The following SYNPR variants were observed in gnomAD, a reference collection of about 807,000 sequenced individuals.
The protein encoded by SYNPR is synaptoporin.
Under a neutral mutation model 32.9 loss-of-function variants are expected in SYNPR, and 23 were observed. The observed-to-expected ratio is 0.70, with a 90% CI of 0.50 to 0.99. The LOEUF is 0.99. Ranked by LOEUF, SYNPR falls within the 50% of genes least tolerant of loss-of-function variation. The pLI, the probability that SYNPR is intolerant of heterozygous loss-of-function variation, is 0.00. For synonymous variants in SYNPR, 146 were observed against 135.9 expected (o/e 1.07, Z -0.52); for missense variants, 318 against 349.3 (o/e 0.91, Z 0.71).
chr3:63,565,380 C>A (rs1468503863), intron 4 of SYNPR, among the ~76,000 whole-genome samples: 1 of 152,114 alleles, frequency 6.6e-6, no homozygotes, highest in Non-Finnish European at 1.5e-5. Flanking sequence ...CCAGCAGGTT[C>A]TATTGCTTGG....
rs369358503 is a variant in SYNPR, at chr3:63,535,520, T to C, written c.210-21023T>C. Among the ~76,000 whole-genome samples, 10 of 152,232 alleles carry C rather than the reference T, an allele frequency of 6.6e-5. No individual in the cohort carries two copies. The East Asian group carries it at 1.4e-3, about 21-fold the overall frequency. ...TTATTAATAGAGATGGTGGAATGTA[T>C]TTCTCTAACATTAAATAAAATCTAG... On this transcript the variant is annotated intron_variant, in intron 3 of 5. Coordinates refer to ENST00000478300, the MANE Select transcript of SYNPR (RefSeq NM_001130003.2).
intron 2 of SYNPR, among the ~76,000 whole-genome samples, chr3:63,469,772 AAG>A (rs1441255590): frequency 6.6e-6 from 1 of 152,194 alleles, no homozygotes; most frequent in Non-Finnish European, 1.5e-5. Context: ...CCTGATTCTA[AAG>A]AGAGATGTTG....
chr3:63,259,799 T>C (rs1025624104), intron 2 of SYNPR, among the ~76,000 whole-genome samples: 5 of 152,316 alleles, frequency 3.3e-5, no homozygotes, highest in Middle Eastern at 3.4e-3. Flanking sequence ...TGTTTGCCGA[T>C]GACATGATTG....
chr3:63,558,334 T>C (rs1702627350), intron 4 of SYNPR, among the ~76,000 whole-genome samples: 1 of 152,078 alleles, frequency 6.6e-6, no homozygotes, highest in East Asian at 1.9e-4. Context: ...TCAATAAAAT[T>C]TTTACTTTTT....
rs1434726766 is a variant in SYNPR at position 63,476,173 on chromosome 3, G to GGGAA, written c.85-4652_85-4649dup. ...AGGGAGGGAGGGAGGGAGGGAGGGA[G>GGGAA]GGAAGGAAGGGAAGGGAGGGAAGCA... On this transcript the variant is annotated intron_variant, in intron 2 of 5. Coordinates refer to ENST00000478300, the MANE Select transcript of SYNPR (RefSeq NM_001130003.2). Among the ~76,000 whole-genome samples the GGGAA allele has an allele frequency of 2.9e-3, 90 of 31,220 alleles. 4 individuals are homozygous for GGGAA. The highest frequency in any genetic ancestry group is 5.1e-3 in the African/African-American group (20 of 3,894). 20.5% of individuals were successfully genotyped at this position (31,220 alleles called of 152,430 possible).
chr3:63,580,235 A>G (rs1022231922), intron 4 of SYNPR, among the ~76,000 whole-genome samples: 1 of 152,168 alleles, frequency 6.6e-6, no homozygotes, highest in Non-Finnish European at 1.5e-5. Context: ...TATTGATAAT[A>G]CTCAGGTGAT....
intron 2 of SYNPR, among the ~76,000 whole-genome samples, chr3:63,347,046 A>G (rs1431546966): frequency 6.6e-6 from 1 of 152,210 alleles, no homozygotes; most frequent in Admixed American, 6.5e-5. Context: ...GAATAAAAAT[A>G]ATACTAGGGC....
intron 4 of SYNPR, 136 bp downstream of exon 4, chr3:63,556,877 T>G: frequency 1.1e-6 from 1 of 894,064 alleles, no homozygotes; most frequent in Non-Finnish European, 1.6e-6. Context: ...TATCCAAATC[T>G]CTCGAAGCCA....
rs372470688 is a variant in SYNPR, at chr3:63,615,409, G to T, written c.786G>T (p.Ala262=). 6.2e-7 allele frequency: 1 copy of T among 1,613,878 alleles called. No individual in the cohort carries two copies. The highest frequency in any genetic ancestry group is 8.5e-7 in the Non-Finnish European group (1 of 1,179,876). The change falls in exon 6 of 6, where the codon GCG becomes GCT. Residue 262 remains alanine (A), a synonymous_variant. Coordinates refer to ENST00000478300, the MANE Select transcript of SYNPR (RefSeq NM_001130003.2). Reference sequence around the variant, plus strand: ...CAAGCAGTGGGTACAGTCAGCAGGCGAGTTTGGGGCCAACCTCAGATGAGT... The same window carrying T: ...CAAGCAGTGGGTACAGTCAGCAGGCTAGTTTGGGGCCAACCTCAGATGAGT... The part of the protein sequence containing the change: ...YGSSSGYSQQ[A]SLGPTSDEFG...
At chr3:63,613,150 T>G (rs989838705) in intron 5 of SYNPR, among the ~76,000 whole-genome samples, 14 of 128,246 alleles carry the variant, frequency 1.1e-4, no homozygotes, top group African/African-American at 4.0e-4. Flanking sequence ...CATGCTCAGC[T>G]AATTTTTTTT....
intron 2 of SYNPR, among the ~76,000 whole-genome samples, chr3:63,294,120 G>C (rs2086770273): frequency 6.6e-6 from 1 of 152,040 alleles, no homozygotes; most frequent in Non-Finnish European, 1.5e-5. Context: ...GCCTCTCTTG[G>C]AGATTATTTA....
At chr3:63,313,676 TACACATATATATCC>T (rs2086994547) in intron 2 of SYNPR, among the ~76,000 whole-genome samples, 9 of 124,484 alleles carry the variant, frequency 7.2e-5, no homozygotes, top group African/African-American at 2.8e-4. Flanking sequence ...CAGAAATTAA[TACACATATATATCC>T]ATATATATAT....
rs561743799 is a variant in SYNPR, at chr3:63,599,168, T to C, written c.409-9957T>C. ...TGGTCCCATTAGATTATAATGAAGC[T>C]GAAAAAGTCTTATCCCCTGGTGACA... is the stretch of plus-strand genomic sequence containing the variant. On this transcript the variant is annotated intron_variant, in intron 4 of 5. Transcript: ENST00000478300. 5.3e-5 allele frequency among the ~76,000 whole-genome samples: 8 copies of C among 152,300 alleles called. No individual in the cohort carries two copies. The East Asian group carries it at 1.5e-3, about 29-fold the overall frequency.
Position 63,432,700 on chromosome 3 carries a change from G to T in SYNPR, c.85-48132G>T, listed in dbSNP as rs555770776. On this transcript the variant is annotated intron_variant, in intron 2 of 5. Coordinates refer to ENST00000478300, the MANE Select transcript of SYNPR (RefSeq NM_001130003.2). ...GGAGAGATGGTCCTGAGGCCTCACT[G>T]ATCTTGTTTCCACACTGTGGAGCTG... Among the ~76,000 whole-genome samples the T allele has an allele frequency of 1.5e-4, 23 of 152,144 alleles. No individual in the cohort carries two copies. In the South Asian group the frequency reaches 4.8e-3, roughly 32 times the overall value.
At chr3:63,472,043 G>T (rs964452430) in intron 2 of SYNPR, among the ~76,000 whole-genome samples, 2 of 152,224 alleles carry the variant, frequency 1.3e-5, no homozygotes, top group Non-Finnish European at 2.9e-5. Flanking sequence ...AGGCTTGGGT[G>T]TTGCTGAGGC....
intron 4 of SYNPR, among the ~76,000 whole-genome samples, chr3:63,608,399 C>G (rs1259730459): frequency 6.6e-6 from 1 of 152,118 alleles, no homozygotes; most frequent in Non-Finnish European, 1.5e-5. Flanking sequence ...CAGTTTTCTC[C>G]TCTTTAAAAT....
chr3:63,450,344 T>C (rs1700355976), intron 2 of SYNPR, among the ~76,000 whole-genome samples: 1 of 152,182 alleles, frequency 6.6e-6, no homozygotes, highest in Non-Finnish European at 1.5e-5. Flanking sequence ...GATCTCTTGC[T>C]GGTGACTCTA....
chr3:63,576,998 A>C (rs1444136978), intron 4 of SYNPR, among the ~76,000 whole-genome samples: 1 of 152,056 alleles, frequency 6.6e-6, no homozygotes, highest in Non-Finnish European at 1.5e-5. Context: ...ACCAGTTTTT[A>C]ATCTCTGGTC....
chr3:63,270,347 A>G (rs949107727), intron 3 of SYNPR, among the ~76,000 whole-genome samples: 4 of 152,224 alleles, frequency 2.6e-5, no homozygotes, highest in Non-Finnish European at 5.9e-5. Context: ...ACTCCTTAAG[A>G]TATTTTGAAA....
Sources: gnomAD v4.1 joint callset for allele counts (sites outside exome capture counted in the v4.1 genomes callset) on GRCh38, gnomAD v4.1.1 for gene constraint, MANE v1.5 for transcripts, NCBI Gene and HGNC (gene_info 2026-07-23, HGNC 2026-07-21) for gene names.